Variants in SLC9A9 observed in about 807,000 individuals in gnomAD.
SLC9A9 encodes solute carrier family 9 member A9.
Under a neutral mutation model 77.8 loss-of-function variants are expected in SLC9A9, and 62 were observed. The ratio of observed to expected loss-of-function variants is 0.80; its 90% CI spans 0.65 to 0.98. SLC9A9 has a LOEUF of 0.98. Among genes scored for constraint, SLC9A9 ranks in the 50% least tolerant of loss-of-function variants. SLC9A9 has a pLI of 0.00. For synonymous variants in SLC9A9, 320 were observed against 283.5 expected (o/e 1.13, Z -1.29); for missense variants, 775 against 774.9 (o/e 1.00, Z 0.00).
intron 4 of SLC9A9, among the ~76,000 whole-genome samples, chr3:143,747,614 A>G (rs1176751783): frequency 6.6e-6 from 1 of 152,152 alleles, no homozygotes; most frequent in Non-Finnish European, 1.5e-5. Flanking sequence ...TTGGCTTTGA[A>G]GACTAGAGTA....
chr3:143,816,469 T>C (rs944569480), intron 2 of SLC9A9, among the ~76,000 whole-genome samples: 3 of 152,382 alleles, frequency 2.0e-5, no homozygotes, highest in African/African-American at 7.2e-5. Context: ...CCTTTCACAT[T>C]CAACATAGTT....
chr3:143,642,069 T>C (rs1017153490), intron 6 of SLC9A9, among the ~76,000 whole-genome samples: 1 of 152,234 alleles, frequency 6.6e-6, no homozygotes, highest in African/African-American at 2.4e-5. Context: ...AGTTCTATCA[T>C]TGATGAGTGA....
At chr3:143,654,864 G>A (rs1197240562) in intron 5 of SLC9A9, among the ~76,000 whole-genome samples, 2 of 152,272 alleles carry the variant, frequency 1.3e-5, no homozygotes, top group South Asian at 2.1e-4. Context: ...CCTGTCTAAC[G>A]AAAGCTTTGA....
intron 9 of SLC9A9, among the ~76,000 whole-genome samples, chr3:143,513,342 T>C (rs1000254076): frequency 6.6e-6 from 1 of 152,250 alleles, no homozygotes; most frequent in Admixed American, 6.5e-5. Context: ...GAAGCCACTT[T>C]CGTTGCTCAT....
intron 12 of SLC9A9, among the ~76,000 whole-genome samples, chr3:143,452,453 C>A (rs537565356): frequency 3.0e-4 from 44 of 147,808 alleles, no homozygotes; most frequent in South Asian, 1.1e-3. Flanking sequence ...AACAACTGAC[C>A]TGGTTTCTTC....
At chr3:143,326,949 T>C (rs114257240) in intron 14 of SLC9A9, among the ~76,000 whole-genome samples, 2,222 of 152,330 alleles carry the variant, frequency 0.015, 55 homozygotes, top group African/African-American at 0.051. Flanking sequence ...GCCTTGTGCA[T>C]ATATCTTTTC....
chr3:143,353,027 C>T (rs2032503901), intron 14 of SLC9A9, among the ~76,000 whole-genome samples: 1 of 152,162 alleles, frequency 6.6e-6, no homozygotes, highest in African/African-American at 2.4e-5. Context: ...ATGATAATTC[C>T]CTGGTTTCAC....
chr3:143,303,170 A>T (rs183160253), intron 14 of SLC9A9, among the ~76,000 whole-genome samples: 273 of 152,276 alleles, frequency 1.8e-3, no homozygotes, highest in African/African-American at 6.4e-3. Flanking sequence ...CAAATTAGAG[A>T]GGCCCACCTG....
intron 14 of SLC9A9, among the ~76,000 whole-genome samples, chr3:143,293,227 G>A (rs2030091783): frequency 6.6e-6 from 1 of 152,202 alleles, no homozygotes; most frequent in South Asian, 2.1e-4. Flanking sequence ...CAGGGGAGCT[G>A]CCCCGGTTTT....
intron 13 of SLC9A9, among the ~76,000 whole-genome samples, chr3:143,369,703 T>C (rs987240928): frequency 6.6e-6 from 1 of 152,162 alleles, no homozygotes; most frequent in East Asian, 1.9e-4. Context: ...TAATTTCTCT[T>C]CCTGTTGGGT....
intron 4 of SLC9A9, among the ~76,000 whole-genome samples, chr3:143,744,809 G>A (rs1335195633): frequency 1.3e-5 from 2 of 152,158 alleles, no homozygotes; most frequent in East Asian, 3.9e-4. Flanking sequence ...GTATGAGCCT[G>A]GGATAGTTCT....
At chr3:143,565,709 G>GTTT (rs1553767154) in intron 8 of SLC9A9, among the ~76,000 whole-genome samples, 15 of 147,854 alleles carry the variant, frequency 1.0e-4, no homozygotes, top group African/African-American at 3.7e-4. Context: ...GAGCCTCAGG[G>GTTT]TTTTGTTTTT....
At chr3:143,754,930 G>A (rs745782641) in intron 4 of SLC9A9, among the ~76,000 whole-genome samples, 17 of 152,192 alleles carry the variant, frequency 1.1e-4, no homozygotes, top group African/African-American at 2.2e-4. Flanking sequence ...TCCCCCTGTC[G>A]CCTAACATAG....
At chr3:143,563,028 C>T (rs950142665) in intron 8 of SLC9A9, among the ~76,000 whole-genome samples, 16 of 152,022 alleles carry the variant, frequency 1.1e-4, no homozygotes, top group African/African-American at 3.9e-4. Flanking sequence ...TGGGTAAGAG[C>T]CCAAAGGATT....
chr3:143,703,055 G>C (rs1933849924), intron 4 of SLC9A9, among the ~76,000 whole-genome samples: 1 of 138,542 alleles, frequency 7.2e-6, no homozygotes. Flanking sequence ...CAACACTGAA[G>C]TACCCAGATA....
intron 4 of SLC9A9, among the ~76,000 whole-genome samples, chr3:143,743,150 G>A (rs562605427): frequency 1.6e-4 from 25 of 151,696 alleles, no homozygotes; most frequent in African/African-American, 5.3e-4. Context: ...AGTATTAGTC[G>A]GGGTTTTCCA....
intron 12 of SLC9A9, among the ~76,000 whole-genome samples, chr3:143,392,423 C>T (rs1489349272): frequency 1.3e-5 from 2 of 152,182 alleles, no homozygotes; most frequent in Admixed American, 6.5e-5. Context: ...CACTGCCAGG[C>T]TTGCCCTACA....
At chr3:143,563,409 G>A (rs2037119111) in intron 8 of SLC9A9, among the ~76,000 whole-genome samples, 1 of 152,106 alleles carries the variant, frequency 6.6e-6, no homozygotes, top group Non-Finnish European at 1.5e-5. Flanking sequence ...TCAATATGTG[G>A]TTGTAAATTA....
intron 12 of SLC9A9, among the ~76,000 whole-genome samples, chr3:143,391,368 C>T (rs1186217754): frequency 6.6e-6 from 1 of 152,226 alleles, no homozygotes; most frequent in Non-Finnish European, 1.5e-5. Flanking sequence ...CAGCAAACTC[C>T]AACAGACCTG....
Sources: allele counts gnomAD v4.1 joint callset (sites outside exome capture counted in the v4.1 genomes callset), GRCh38; gene constraint gnomAD v4.1.1; transcripts MANE v1.5; gene names NCBI Gene and HGNC (gene_info 2026-07-23, HGNC 2026-07-21).